Variants in SIL1 observed in about 807,000 individuals in gnomAD.
The protein encoded by SIL1 is SIL1 nucleotide exchange factor, also known as nucleotide exchange factor SIL1.
SIL1 carries 40 observed loss-of-function variants against 49.1 expected under a neutral mutation model. The observed-to-expected ratio is 0.81, with a 90% CI of 0.63 to 1.06. The LOEUF is 1.06. Among genes scored for constraint, SIL1 ranks in the 50% least tolerant of loss-of-function variants. SIL1 has a pLI of 0.00. For missense variants in SIL1, 500 were observed against 572.6 expected (o/e 0.87, Z 1.29); for synonymous variants, 253 against 250.8 (o/e 1.01, Z -0.08).
At chr5:139,153,020 G>A (rs1204172760) in intron 1 of SIL1, among the ~76,000 whole-genome samples, 1 of 152,158 alleles carries the variant, frequency 6.6e-6, no homozygotes, top group East Asian at 1.9e-4. Context: ...GTTTCTCCAT[G>A]TTGGTCAGGC....
intron 1 of SIL1, among the ~76,000 whole-genome samples, chr5:139,189,593 G>A (rs750124075): frequency 6.6e-6 from 1 of 152,320 alleles, no homozygotes; most frequent in Non-Finnish European, 1.5e-5. Context: ...AGGTCCAGGC[G>A]GGTGGATCAC....
At chr5:139,035,236 G>A (rs1768876068) in intron 5 of SIL1, 5 of 459,160 alleles carry the variant, frequency 1.1e-5, no homozygotes, top group South Asian at 5.4e-5. Context: ...CCCACAAACT[G>A]AGCAGTCCCC....
intron 3 of SIL1, among the ~76,000 whole-genome samples, chr5:139,090,089 C>T (rs1408991343): frequency 1.3e-5 from 2 of 152,080 alleles, no homozygotes; most frequent in African/African-American, 4.8e-5. Flanking sequence ...GACCTCCTTA[C>T]CCGCCATTCA....
intron 1 of SIL1, among the ~76,000 whole-genome samples, chr5:139,174,937 CAAAAAAAA>C (rs56959325): frequency 3.3e-5 from 2 of 59,848 alleles, no homozygotes; most frequent in African/African-American, 1.6e-4. Flanking sequence ...GACTGTGTCT[CAAAAAAAA>C]AAAAAAAAAA....
chr5:139,038,525 T>G (rs1234209734), intron 5 of SIL1, among the ~76,000 whole-genome samples: 6 of 152,234 alleles, frequency 3.9e-5, no homozygotes, highest in Admixed American at 3.3e-4. Flanking sequence ...AACTTTTTGT[T>G]GTATTAATTC....
At chr5:139,192,192 CTAGCCTGGGCAACA>C (rs903174303) in intron 1 of SIL1, among the ~76,000 whole-genome samples, 8 of 148,872 alleles carry the variant, frequency 5.4e-5, no homozygotes, top group African/African-American at 2.0e-4. Flanking sequence ...GAGTTCAAGA[CTAGCCTGGGCAACA>C]TAGCAAGACC....
chr5:139,099,789 G>A (rs1255301828), intron 3 of SIL1, among the ~76,000 whole-genome samples: 1 of 152,066 alleles, frequency 6.6e-6, no homozygotes, highest in Non-Finnish European at 1.5e-5. Context: ...GAAAGGGAGT[G>A]GGGAAGGGGA....
chr5:139,125,711 A>G (rs1002255281), intron 2 of SIL1, among the ~76,000 whole-genome samples: 1 of 152,220 alleles, frequency 6.6e-6, no homozygotes, highest in African/African-American at 2.4e-5. Flanking sequence ...AAAGCTCAGA[A>G]AGGGTCAAAT....
chr5:139,191,088 C>T lies in SIL1; in HGVS notation c.-11+7181G>A, dbSNP rs1287479913. The stretch of plus-strand genomic sequence containing the variant: ...CTCTACTGCAAATACAAAAATTAGC[C>T]GGCCATGGTGGCAAGCACCTGTAAT... On this transcript the variant is annotated intron_variant, in intron 1 of 9. Coordinates refer to ENST00000394817, the MANE Select transcript of SIL1 (RefSeq NM_022464.5). Among the ~76,000 whole-genome samples, 3 of 151,860 alleles carry T rather than the reference C, an allele frequency of 2.0e-5. 1 individual carries two copies. The highest frequency in any genetic ancestry group is 1.3e-4 in the Admixed American group (2 of 15,224).
At chr5:139,115,300 C>T (rs543822975) in intron 3 of SIL1, among the ~76,000 whole-genome samples, 2 of 152,228 alleles carry the variant, frequency 1.3e-5, no homozygotes, top group East Asian at 3.9e-4. Context: ...TTCTAAAACT[C>T]TTGGAATTTT....
At position 139,158,164 on chromosome 5, in the gene SIL1, A is replaced by G. The variant is rs150358235; in HGVS notation, c.-10-30311T>C. On this transcript the variant is annotated intron_variant, in intron 1 of 9. Transcript: ENST00000394817. ...CCTTCCCAAAGTCAGAGAGCTAATCAATGGCAGAGCCAGAATTAGAAAGCA... is the reference window on the plus strand; with the variant it reads ...CCTTCCCAAAGTCAGAGAGCTAATCGATGGCAGAGCCAGAATTAGAAAGCA... Among the ~76,000 whole-genome samples the G allele has an allele frequency of 2.1e-3, 313 of 152,336 alleles. 1 individual carries two copies. The highest frequency in any genetic ancestry group is 7.3e-3 in the African/African-American group (303 of 41,582).
chr5:138,960,253 T>A (rs1766989176), intron 7 of SIL1, among the ~76,000 whole-genome samples: 1 of 152,174 alleles, frequency 6.6e-6, no homozygotes, highest in Non-Finnish European at 1.5e-5. Context: ...TGTTCCCACA[T>A]CTTCACATGA....
At chr5:139,123,337 C>T (rs748507152) in intron 2 of SIL1, among the ~76,000 whole-genome samples, 4 of 152,224 alleles carry the variant, frequency 2.6e-5, no homozygotes, top group Non-Finnish European at 4.4e-5. Context: ...CTTCCAACAG[C>T]TGAGTTTCCA....
chr5:139,154,725 G>A (rs1751374737), intron 1 of SIL1, among the ~76,000 whole-genome samples: 1 of 152,168 alleles, frequency 6.6e-6, no homozygotes, highest in African/African-American at 2.4e-5. Context: ...TCCAGCTAAG[G>A]AGATGCTGAC....
At chr5:139,024,555 G>A (rs936156932) in intron 6 of SIL1, among the ~76,000 whole-genome samples, 8 of 152,232 alleles carry the variant, frequency 5.3e-5, no homozygotes, top group Admixed American at 2.6e-4. Flanking sequence ...GGGCACTGTC[G>A]TGCATGGTGC....
chr5:139,008,139 T>G (rs1407207175), intron 7 of SIL1, among the ~76,000 whole-genome samples: 1,612 of 151,036 alleles, frequency 0.011, 36 homozygotes, highest in African/African-American at 0.037. Context: ...CAATTTCAGC[T>G]CCTGTTATTG....
At chr5:139,001,308 A>G (rs1223574267) in intron 7 of SIL1, among the ~76,000 whole-genome samples, 1 of 152,214 alleles carries the variant, frequency 6.6e-6, no homozygotes. Flanking sequence ...GGCATTATCT[A>G]GTGGTACTGA....
At chr5:138,961,952 C>CG (rs762714772) in intron 7 of SIL1, among the ~76,000 whole-genome samples, 2 of 119,738 alleles carry the variant, frequency 1.7e-5, no homozygotes, top group African/African-American at 6.2e-5. Flanking sequence ...GTTCTCTAGA[C>CG]TTTTTTTTTT....
At chr5:139,034,530 T>G (rs1424621526) in intron 5 of SIL1, 2 of 152,180 alleles carry the variant, frequency 1.3e-5, no homozygotes, top group Non-Finnish European at 2.9e-5. Context: ...TTCTAAGTAT[T>G]ATAATATACA....
Sources: gnomAD v4.1 joint callset for allele counts (sites outside exome capture counted in the v4.1 genomes callset) on GRCh38, gnomAD v4.1.1 for gene constraint, MANE v1.5 for transcripts, NCBI Gene and HGNC (gene_info 2026-07-23, HGNC 2026-07-21) for gene names.